FRMD4A: variants seen among roughly 807,000 people sequenced by gnomAD.
The protein encoded by FRMD4A is FERM domain-containing protein 4A.
In FRMD4A, 29 loss-of-function variants were observed where a neutral mutation model predicts 129.1. The observed-to-expected ratio is 0.22, with a 90% CI of 0.17 to 0.31. The LOEUF is 0.31. Among genes scored for constraint, FRMD4A ranks in the 10% least tolerant of loss-of-function variants. The pLI is 1.00. For missense variants in FRMD4A, 1,272 were observed against 1,375.8 expected, an observed-to-expected ratio of 0.92 and a Z score of 1.19; for synonymous variants, 634 against 571.6, an observed-to-expected ratio of 1.11 and a Z score of -1.56.
At chr10:13,896,748 A>G (rs1239222626) in intron 2 of FRMD4A, among the ~76,000 whole-genome samples, 1 of 152,132 alleles carries the variant, frequency 6.6e-6, no homozygotes, top group Non-Finnish European at 1.5e-5. Flanking sequence ...ATTGAAACTT[A>G]AGTTACCTGG....
rs993106253 is a variant in FRMD4A at position 13,757,346 on chromosome 10, A to G, written c.464+4301T>C. Among the ~76,000 whole-genome samples the G allele has an allele frequency of 2.6e-5, 4 of 152,270 alleles. No homozygotes were observed. In the South Asian group the frequency reaches 6.2e-4, roughly 24 times the overall value. On this transcript the variant is annotated intron_variant, in intron 8 of 24. Transcript: ENST00000357447. The stretch of plus-strand genomic sequence containing the variant: ...ATGCTGTGCTAAGGAAAACAATAAA[A>G]GTGAAAAAATGTTATTTTTAGATAA...
chr10:14,156,795 C>A (rs1840624328), intron 2 of FRMD4A, among the ~76,000 whole-genome samples: 1 of 152,196 alleles, frequency 6.6e-6, no homozygotes, highest in African/African-American at 2.4e-5. Flanking sequence ...TGGAACATAG[C>A]TTATAAACCT....
intron 24 of FRMD4A, chr10:13,651,231 G>A (rs1564509747): frequency 6.6e-6 from 1 of 152,222 alleles, no homozygotes; most frequent in Non-Finnish European, 1.5e-5. Context: ...GTTGGCTTAT[G>A]GACATTTGGA....
chr10:13,776,640 T>C (rs1310314343), intron 6 of FRMD4A, among the ~76,000 whole-genome samples: 3 of 152,212 alleles, frequency 2.0e-5, no homozygotes, highest in Non-Finnish European at 2.9e-5. Flanking sequence ...CAAATATTAA[T>C]ACTTTAAAAA....
chr10:13,692,486 G>C (rs2134824722), intron 15 of FRMD4A: 1 of 152,270 alleles, frequency 6.6e-6, no homozygotes, highest in African/African-American at 2.4e-5. Flanking sequence ...AACATATTAT[G>C]TTCACAGATT....
chr10:13,856,159 TGTGTGTGTATCTATGTATAGGTAGATA>T (rs2094210941), intron 3 of FRMD4A, among the ~76,000 whole-genome samples: 1 of 151,068 alleles, frequency 6.6e-6, no homozygotes, highest in African/African-American at 2.4e-5. Context: ...GTAGATAGAT[TGTGTGTGTATCTATGTATAGGTAGATA>T]GTGTGTGTAT....
At chr10:13,686,368 T>C (rs560611060) in intron 15 of FRMD4A, among the ~76,000 whole-genome samples, 1 of 152,392 alleles carries the variant, frequency 6.6e-6, no homozygotes, top group Admixed American at 6.5e-5. Flanking sequence ...ATCATGACGC[T>C]GACAGAGCCT....
In FRMD4A at chr10:13,693,948, C is replaced by T. The variant is rs2085971843; in HGVS notation, c.1067G>A (p.Gly356Asp). ...TLKTSKLANMGSKGKIISGSS... is the reference protein window; with the variant it reads ...TLKTSKLANMDSKGKIISGSS... ...GCCGCTGATGATCTTCCCCTTGCTA[C>T]CCATGTTGGCCAGCTTCGAGGTCTT... Residue 356 changes from glycine (G) to aspartate (D), a missense_variant, in exon 15 of 25, where the codon GGT becomes GAT. Around this residue, in one of 2 missense-constraint regions of FRMD4A, gnomAD observed 300 missense variants for 483.6 expected, o/e 0.62. Coordinates refer to ENST00000357447, the MANE Select transcript of FRMD4A (RefSeq NM_018027.5). 6.3e-7 allele frequency: 1 copy of T among 1,599,784 alleles called. No homozygotes were observed. The highest frequency in any genetic ancestry group is 8.5e-7 in the Non-Finnish European group (1 of 1,174,984).
chr10:13,710,851 G>A (rs966075112), intron 12 of FRMD4A, among the ~76,000 whole-genome samples: 2 of 151,962 alleles, frequency 1.3e-5, no homozygotes, highest in African/African-American at 4.8e-5. Flanking sequence ...CCGTCTCTGC[G>A]AAAAATACAA....
At position 13,807,471 on chromosome 10, in the gene FRMD4A, ATTC is replaced by A. The variant is rs367768394; in HGVS notation, c.206+3340_206+3342del. ...ATAAAGGAACTCTAATATGTTTGCA[ATTC>A]TTCTTTAAGTCTATTTCAAAACTAA... On this transcript the variant is annotated intron_variant, in intron 4 of 24. Coordinates refer to ENST00000357447, the MANE Select transcript of FRMD4A (RefSeq NM_018027.5). 2.3e-3 allele frequency among the ~76,000 whole-genome samples: 357 copies of A among 152,346 alleles called. 2 individuals are homozygous for A. Among genetic ancestry groups the A allele is most frequent in the African/African-American group, 8.2e-3 (343 of 41,580 alleles).
intron 2 of FRMD4A, among the ~76,000 whole-genome samples, chr10:13,874,014 A>C (rs1406198113): frequency 2.6e-5 from 4 of 151,158 alleles, no homozygotes; most frequent in African/African-American, 9.7e-5. Flanking sequence ...TGGGAGGCCG[A>C]GGCAGATGGA....
At chr10:14,247,891 C>T (rs1844300443) in intron 2 of FRMD4A, among the ~76,000 whole-genome samples, 1 of 150,072 alleles carries the variant, frequency 6.7e-6, no homozygotes, top group Admixed American at 6.6e-5. Flanking sequence ...TCTGTTGGAC[C>T]TTCACACGAA....
intron 2 of FRMD4A, among the ~76,000 whole-genome samples, chr10:14,302,616 C>T (rs1846221895): frequency 6.6e-6 from 1 of 152,202 alleles, no homozygotes; most frequent in Non-Finnish European, 1.5e-5. Flanking sequence ...TAATGCCTAG[C>T]ACATAGTAAT....
intron 2 of FRMD4A, among the ~76,000 whole-genome samples, chr10:14,050,056 A>G (rs1367266854): frequency 6.6e-6 from 1 of 152,206 alleles, no homozygotes; most frequent in Non-Finnish European, 1.5e-5. Context: ...TACACACTGC[A>G]TGATGTTAGG....
chr10:13,894,644 G>A (rs2094737664), intron 2 of FRMD4A, among the ~76,000 whole-genome samples: 1 of 152,140 alleles, frequency 6.6e-6, no homozygotes, highest in African/African-American at 2.4e-5. Context: ...TCCTCTCCCT[G>A]GAAGGCCAGG....
chr10:13,946,258 G>C (rs1392820947), intron 2 of FRMD4A, among the ~76,000 whole-genome samples: 1 of 152,168 alleles, frequency 6.6e-6, no homozygotes, highest in East Asian at 1.9e-4. Context: ...TTCCCTGAAC[G>C]CAAGAATCTT....
intron 2 of FRMD4A, among the ~76,000 whole-genome samples, chr10:13,888,425 A>G (rs2094651629): frequency 6.6e-6 from 1 of 152,200 alleles, no homozygotes. Flanking sequence ...AGAAACGGAC[A>G]GCGCAGAATC....
chr10:14,296,155 G>A (rs11259001), intron 2 of FRMD4A, among the ~76,000 whole-genome samples: 1,907 of 152,176 alleles, frequency 0.013, 23 homozygotes, highest in East Asian at 0.037. Flanking sequence ...AGGGAGACTG[G>A]GTGATGTGTG....
intron 2 of FRMD4A, among the ~76,000 whole-genome samples, chr10:13,963,222 A>G (rs1310343107): frequency 6.6e-6 from 1 of 151,928 alleles, no homozygotes; most frequent in Admixed American, 6.6e-5. Flanking sequence ...CAGACTTGAC[A>G]GAGAAATTTA....
Sources: gnomAD v4.1 joint callset for allele counts (sites outside exome capture counted in the v4.1 genomes callset) on GRCh38, gnomAD v4.1.1 for gene constraint, gnomAD v4.1.1 regional missense constraint, MANE v1.5 for transcripts, NCBI Gene and HGNC (gene_info 2026-07-23, HGNC 2026-07-21) for gene names.